The following EHMT1 variants were observed in gnomAD, a reference collection of about 807,000 sequenced individuals.
The protein encoded by EHMT1 is euchromatic histone lysine methyltransferase 1.
Under a neutral mutation model 147.2 loss-of-function variants are expected in EHMT1, and 15 were observed. The observed-to-expected ratio is 0.10, with a 90% CI of 0.07 to 0.16. EHMT1 has a LOEUF of 0.16. Ranked by LOEUF, EHMT1 falls within the 10% of genes least tolerant of loss-of-function variation. The probability of loss-of-function intolerance (pLI) is 1.00; values close to 1 mark genes in which losing one functional copy is unlikely to be tolerated. For missense variants in EHMT1, 1,587 were observed against 1,772.4 expected, an observed-to-expected ratio of 0.90 and a Z score of 1.88; for synonymous variants, 795 against 709.6, an observed-to-expected ratio of 1.12 and a Z score of -1.91.
In EHMT1 at chr9:137,754,281, C is replaced by G. The variant is rs545055517; in HGVS notation, c.1359C>G (p.Ser453Arg). The change falls in exon 8 of 27, where the codon AGC becomes AGG. Residue 453 changes from serine (S) to arginine (R), a missense_variant. Coordinates refer to ENST00000460843, the MANE Select transcript of EHMT1 (RefSeq NM_024757.5). ...KRRRRSRKKPSGALGSESYKS... is the reference protein window; with the variant it reads ...KRRRRSRKKPRGALGSESYKS... ...GGCGGAGAAGTAGAAAGAAGCCCAG[C>G]GGTGCCCTCGGTAAATGCCGTGGGG... 1.1e-5 allele frequency: 18 copies of G among 1,613,950 alleles called. No homozygotes were observed. Among genetic ancestry groups the G allele is most frequent in the Non-Finnish European group, 1.4e-5 (17 of 1,179,898 alleles).
intron 25 of EHMT1, chr9:137,834,000 T>G: frequency 9.1e-6 from 3 of 328,930 alleles, no homozygotes; most frequent in Non-Finnish European, 1.1e-5. Flanking sequence ...CTTTCTCCTA[T>G]TGGTGCCAGA....
chr9:137,801,044 C>G (rs529888479), intron 18 of EHMT1, 60 bp downstream of exon 18: 5 of 1,482,458 alleles, frequency 3.4e-6, no homozygotes, highest in Admixed American at 1.7e-5. Flanking sequence ...CCTCCTCCCC[C>G]AGAAGGTTCT....
chr9:137,662,943 G>C lies in EHMT1; in HGVS notation c.21+43894G>C, dbSNP rs181571462. Among the ~76,000 whole-genome samples, 3 of 151,856 alleles carry C rather than the reference G, an allele frequency of 2.0e-5. No homozygotes were observed. In the East Asian group the frequency reaches 5.8e-4, roughly 30 times the overall value. The stretch of plus-strand genomic sequence containing the variant: ...TGGGTAGCTGGGATTACAGGTGCAC[G>C]CCACCATGCCCGGCTAATTTTTGTA... On this transcript the variant is annotated intron_variant, in intron 1 of 26. Coordinates refer to ENST00000460843, the MANE Select transcript of EHMT1 (RefSeq NM_024757.5).
At chr9:137,721,878 T>G (rs2135634908) in intron 3 of EHMT1, among the ~76,000 whole-genome samples, 1 of 152,328 alleles carries the variant, frequency 6.6e-6, no homozygotes, top group Admixed American at 6.5e-5. Flanking sequence ...CAAAGGTGTT[T>G]CATTTTGATG....
chr9:137,643,691 C>G (rs189686913), intron 1 of EHMT1, among the ~76,000 whole-genome samples: 2 of 152,262 alleles, frequency 1.3e-5, no homozygotes, highest in Admixed American at 6.5e-5. Flanking sequence ...TCTGGCTGCA[C>G]TCCATGGTTT....
chr9:137,729,907 G>A (rs888217340), intron 4 of EHMT1, among the ~76,000 whole-genome samples: 11 of 152,190 alleles, frequency 7.2e-5, no homozygotes, highest in African/African-American at 2.4e-4. Context: ...GTCCTGTTCC[G>A]CATTTCCCAT....
At position 137,743,362 on chromosome 9, in the gene EHMT1, T is replaced by G; in HGVS notation, c.824-9T>G. ...CTTGTCCCCTTTTGACTTTTTTTTTTTTTTTTAGCTTGCTTGCCTTTTGTT... is the reference window on the plus strand; with the variant it reads ...CTTGTCCCCTTTTGACTTTTTTTTTGTTTTTTAGCTTGCTTGCCTTTTGTT... On this transcript the variant is annotated splice_polypyrimidine_tract_variant and intron_variant, in intron 4 of 26. Transcript: ENST00000460843. 1 of 1,570,602 alleles carries G rather than the reference T, an allele frequency of 6.4e-7. No individual in the cohort carries two copies. The highest frequency in any genetic ancestry group is 8.6e-7 in the Non-Finnish European group (1 of 1,164,698).
At chr9:137,715,802 T>G in intron 2 of EHMT1, 2 of 985,406 alleles carry the variant, frequency 2.0e-6, no homozygotes, top group Non-Finnish European at 1.2e-6. Flanking sequence ...TGTTAGTTAT[T>G]GTGAAGCCTC....
chr9:137,747,967 C>T (rs1230125354), intron 6 of EHMT1: 2 of 152,130 alleles, frequency 1.3e-5, no homozygotes, highest in South Asian at 2.1e-4. Flanking sequence ...ACACAGAATG[C>T]ATTCTTTCTT....
intron 1 of EHMT1, among the ~76,000 whole-genome samples, chr9:137,663,138 C>T (rs1381106030): frequency 6.6e-6 from 1 of 152,198 alleles, no homozygotes; most frequent in East Asian, 1.9e-4. Context: ...GATATCCACT[C>T]ATTTTATTAT....
At position 137,828,477 on chromosome 9, in the gene EHMT1, A is replaced by C. The variant is rs1336397488; in HGVS notation, c.3541-5872A>C. Among the ~76,000 whole-genome samples the C allele has an allele frequency of 6.6e-6, 1 of 151,826 alleles. No homozygotes were observed. Among genetic ancestry groups the C allele is most frequent in the Non-Finnish European group, 1.5e-5 (1 of 67,972 alleles). ...TGGGCAGTGAGGCCAAGCAGAGCACAGGGTCTCGAGACCCCATGACCTCTA... is the reference window on the plus strand; with the variant it reads ...TGGGCAGTGAGGCCAAGCAGAGCACCGGGTCTCGAGACCCCATGACCTCTA... On this transcript the variant is annotated intron_variant, in intron 25 of 26. Transcript: ENST00000460843. This position sits in a 1 kb window ranked among gnomAD's most constrained non-coding sequence, Gnocchi z 5.3.
At chr9:137,626,188 C>A (rs998817916) in intron 1 of EHMT1, among the ~76,000 whole-genome samples, 7 of 151,692 alleles carry the variant, frequency 4.6e-5, no homozygotes, top group African/African-American at 9.7e-5. Flanking sequence ...TTTTTATATT[C>A]TTTACTGTTT....
intron 4 of EHMT1, among the ~76,000 whole-genome samples, chr9:137,729,144 C>T (rs1040705978): frequency 2.0e-5 from 3 of 152,098 alleles, no homozygotes; most frequent in Non-Finnish European, 2.9e-5. Flanking sequence ...GTGCGTTTGG[C>T]GCTGTCCTGA....
rs549300129 is a variant in EHMT1 at position 137,752,433 on chromosome 9, G to C, written c.1248+25G>C. 4 of 1,609,858 alleles carry C rather than the reference G, an allele frequency of 2.5e-6. No homozygotes were observed. In the South Asian group the frequency reaches 4.4e-5, roughly 18 times the overall value. On this transcript the variant is annotated intron_variant, in intron 7 of 26. Coordinates refer to ENST00000460843, the MANE Select transcript of EHMT1 (RefSeq NM_024757.5). ...GGTAATGCCCAGCGCCTCCTCCTGC[G>C]TCTGTGCTGATGTAGAGGAGATGCA...
At chr9:137,805,421 T>G (rs1483301546) in intron 18 of EHMT1, among the ~76,000 whole-genome samples, 1 of 152,212 alleles carries the variant, frequency 6.6e-6, no homozygotes, top group Non-Finnish European at 1.5e-5. Flanking sequence ...TGTCCACATG[T>G]GTGTAAAGTC....
At position 137,682,110 on chromosome 9, in the gene EHMT1, C is replaced by T. The variant is rs547009024; in HGVS notation, c.22-28857C>T. 1.2e-3 allele frequency among the ~76,000 whole-genome samples: 184 copies of T among 151,978 alleles called. 1 individual carries two copies. The highest frequency in any genetic ancestry group is 2.4e-3 in the Admixed American group (37 of 15,260). ...GGACTACAGGCGCCCCCACCACGCC[C>T]GCTCATTTTTTGTATTTTTAGTAGA... On this transcript the variant is annotated intron_variant, in intron 1 of 26. Transcript: ENST00000460843.
At chr9:137,790,139 A>G (rs1167738553) in intron 15 of EHMT1, among the ~76,000 whole-genome samples, 1 of 152,242 alleles carries the variant, frequency 6.6e-6, no homozygotes, top group Non-Finnish European at 1.5e-5. Flanking sequence ...TTAATTACTA[A>G]TAGTAAAAAC....
At chr9:137,803,149 G>C (rs563792560) in intron 18 of EHMT1, 1 of 1,227,054 alleles carries the variant, frequency 8.1e-7, no homozygotes, top group African/African-American at 1.6e-5. Flanking sequence ...GCTGGTGGCT[G>C]TTCCCCCAGA....
At chr9:137,667,287 T>C (rs144230253) in intron 1 of EHMT1, 1 of 152,340 alleles carries the variant, frequency 6.6e-6, no homozygotes, top group African/African-American at 2.4e-5. Flanking sequence ...ATTTTAACGG[T>C]GGTTAATGTT....
Sources: allele counts gnomAD v4.1 joint callset (sites outside exome capture counted in the v4.1 genomes callset), GRCh38; gene constraint gnomAD v4.1.1; non-coding constraint Gnocchi (gnomAD v3.1); transcripts MANE v1.5; gene names NCBI Gene and HGNC (gene_info 2026-07-23, HGNC 2026-07-21).